The following RBMS3 variants were observed in gnomAD, a reference collection of about 807,000 sequenced individuals.
RBMS3 encodes the protein RNA binding motif single stranded interacting protein 3, also known as RNA-binding motif, single-stranded-interacting protein 3.
A neutral mutation model predicts 66.8 loss-of-function variants in RBMS3; 27 were observed. The observed-to-expected ratio is 0.40, with a 90% CI of 0.30 to 0.56. The LOEUF (loss-of-function observed/expected upper bound fraction) is 0.56, where lower values mean the gene tolerates loss of function less well. Ranked by LOEUF, RBMS3 falls within the 20% of genes least tolerant of loss-of-function variation. The probability of loss-of-function intolerance (pLI) is 0.40; values close to 1 mark genes in which losing one functional copy is unlikely to be tolerated. For synonymous variants in RBMS3, 188 were observed against 183.0 expected (o/e 1.03, Z -0.22); for missense variants, 513 against 549.5 (o/e 0.93, Z 0.66).
intron 6 of RBMS3, among the ~76,000 whole-genome samples, chr3:29,824,219 G>T (rs2058146171): frequency 6.6e-6 from 1 of 151,534 alleles, no homozygotes; most frequent in Non-Finnish European, 1.5e-5. Flanking sequence ...TGAGGGTGGA[G>T]CATGCATGAA....
intron 3 of RBMS3, among the ~76,000 whole-genome samples, chr3:29,500,349 T>C (rs2043920819): frequency 6.6e-6 from 1 of 150,520 alleles, no homozygotes; most frequent in Non-Finnish European, 1.5e-5. Flanking sequence ...AAAATAGAAA[T>C]TTTCTCAGTC....
chr3:29,994,287 G>T (rs111775112), intron 14 of RBMS3, among the ~76,000 whole-genome samples: 9 of 152,174 alleles, frequency 5.9e-5, no homozygotes, highest in South Asian at 2.1e-4. Flanking sequence ...CTACCCCCAC[G>T]GAGTCTCGCT....
At chr3:29,951,943 A>C (rs965436228) in intron 12 of RBMS3, among the ~76,000 whole-genome samples, 2 of 151,782 alleles carry the variant, frequency 1.3e-5, no homozygotes, top group Non-Finnish European at 3.0e-5. Flanking sequence ...AGAATGCATA[A>C]AATTATTATC....
At chr3:29,563,791 A>G (rs1301219938) in intron 3 of RBMS3, among the ~76,000 whole-genome samples, 1 of 152,142 alleles carries the variant, frequency 6.6e-6, no homozygotes, top group Non-Finnish European at 1.5e-5. Flanking sequence ...TTGGGATGCC[A>G]AGACAGGAGG....
chr3:29,659,142 T>A (rs2050434346), intron 4 of RBMS3, among the ~76,000 whole-genome samples: 1 of 152,186 alleles, frequency 6.6e-6, no homozygotes, highest in African/African-American at 2.4e-5. Context: ...TAAATAAACT[T>A]TATTGAGAAA....
At chr3:29,845,551 A>G (rs1234322063) in intron 6 of RBMS3, among the ~76,000 whole-genome samples, 1 of 152,196 alleles carries the variant, frequency 6.6e-6, no homozygotes, top group Non-Finnish European at 1.5e-5. Context: ...AACTAATAAA[A>G]CATTGATTTT....
At chr3:29,769,843 G>T (rs12489960) in intron 6 of RBMS3, among the ~76,000 whole-genome samples, 21,449 of 151,666 alleles carry the variant, frequency 0.14, 1,703 homozygotes, top group South Asian at 0.21. Context: ...CAACCAATTT[G>T]GGGGAAAACA....
At chr3:29,991,480 T>TGGAAGTGACTAGGCCATATGTTTC (rs1414194068) in intron 14 of RBMS3, 12 of 421,206 alleles carry the variant, frequency 2.8e-5, no homozygotes, top group Non-Finnish European at 5.2e-5. Context: ...GGATGTGTGA[T>TGGAAGTGACTAGGCCATATGTTTC]GGAAGTGACT....
rs2057299473 is a variant in RBMS3 at position 29,798,888 on chromosome 3, G to A, written c.637+35899G>A. ...CTTCGAGATCATTTTATACACCCAA[G>A]TTCTTTTTGCAACATCAATTGTAAT... On this transcript the variant is annotated intron_variant, in intron 6 of 14. Transcript: ENST00000383767. Among the ~76,000 whole-genome samples the A allele has an allele frequency of 2.8e-5, 4 of 141,112 alleles. No individual in the cohort carries two copies. The South Asian group carries it at 8.8e-4, about 31-fold the overall frequency. The allele number at this position is 141,112 out of a possible 152,430, so 92.6% of individuals were successfully genotyped here. A position where few individuals can be genotyped will look rare whatever the true frequency, so the allele number is the denominator to read the frequency against.
intron 2 of RBMS3, among the ~76,000 whole-genome samples, chr3:29,462,054 C>T (rs1264918471): frequency 6.7e-6 from 1 of 149,962 alleles, no homozygotes; most frequent in East Asian, 2.0e-4. Flanking sequence ...GGATTACAGG[C>T]GTGAGCCACC....
intron 2 of RBMS3, among the ~76,000 whole-genome samples, chr3:29,457,393 C>A (rs1000184562): frequency 1.3e-5 from 2 of 152,126 alleles, no homozygotes; most frequent in Admixed American, 6.6e-5. Context: ...TGTTGTCAAC[C>A]ATATAATTTT....
chr3:29,709,064 G>A (rs568030222), intron 4 of RBMS3, among the ~76,000 whole-genome samples: 14 of 152,130 alleles, frequency 9.2e-5, no homozygotes, highest in Non-Finnish European at 1.8e-4. Flanking sequence ...AGTCCGATCT[G>A]CGTCACAGCT....
intron 14 of RBMS3, among the ~76,000 whole-genome samples, chr3:29,995,489 G>A (rs371165452): frequency 0.012 from 1,662 of 139,056 alleles, 28 homozygotes; most frequent in African/African-American, 0.041. Flanking sequence ...GAAATGAAGG[G>A]AAAAATGTTA....
chr3:29,915,788 A>G (rs1005409103), intron 10 of RBMS3, among the ~76,000 whole-genome samples: 1 of 152,040 alleles, frequency 6.6e-6, no homozygotes. Flanking sequence ...AACCAGTATC[A>G]AGGAATTTGT....
intron 6 of RBMS3, among the ~76,000 whole-genome samples, chr3:29,862,875 A>T (rs572515574): frequency 2.4e-4 from 37 of 151,944 alleles, no homozygotes; most frequent in African/African-American, 8.7e-4. Flanking sequence ...AAAAAAAAAA[A>T]AAAGGAAGTG....
intron 12 of RBMS3, among the ~76,000 whole-genome samples, chr3:29,948,696 T>G (rs1414261955): frequency 6.6e-6 from 1 of 151,870 alleles, no homozygotes; most frequent in Admixed American, 6.6e-5. Flanking sequence ...CAGTTTCATT[T>G]TTTGGCTCAA....
intron 1 of RBMS3, among the ~76,000 whole-genome samples, chr3:29,394,648 A>T (rs1031748552): frequency 1.3e-5 from 2 of 152,182 alleles, no homozygotes; most frequent in African/African-American, 2.4e-5. Context: ...TTCACAATTT[A>T]TGTTCTTTGC....
intron 6 of RBMS3, among the ~76,000 whole-genome samples, chr3:29,770,841 T>C (rs919448133): frequency 6.6e-6 from 1 of 151,926 alleles, no homozygotes; most frequent in African/African-American, 2.4e-5. Context: ...AATTGAATAA[T>C]TAAGTTCTTA....
At chr3:29,942,915 A>G (rs1055722813) in intron 11 of RBMS3, among the ~76,000 whole-genome samples, 1 of 151,420 alleles carries the variant, frequency 6.6e-6, no homozygotes, top group Non-Finnish European at 1.5e-5. Context: ...TTTTAAAATG[A>G]TTCTAATTAT....
Sources: allele counts gnomAD v4.1 joint callset (sites outside exome capture counted in the v4.1 genomes callset), GRCh38; gene constraint gnomAD v4.1.1; transcripts MANE v1.5; gene names NCBI Gene and HGNC (gene_info 2026-07-23, HGNC 2026-07-21).